STK3: variants seen among roughly 807,000 people sequenced by gnomAD.
STK3 encodes serine/threonine-protein kinase 3.
In STK3, 41 loss-of-function variants were observed where a neutral mutation model predicts 58.0. That is an observed-to-expected ratio of 0.71 (90% CI 0.55 to 0.92). The LOEUF is 0.92. Ranked by LOEUF, STK3 falls within the 40% of genes least tolerant of loss-of-function variation. The pLI, the probability that STK3 is intolerant of heterozygous loss-of-function variation, is 0.00. For synonymous variants in STK3, 170 were observed against 191.0 expected (o/e 0.89, Z 0.91); for missense variants, 479 against 602.7 (o/e 0.79, Z 2.15).
At chr8:98,692,853 G>A (rs1238722779) in intron 6 of STK3, among the ~76,000 whole-genome samples, 1 of 151,910 alleles carries the variant, frequency 6.6e-6, no homozygotes. Context: ...TTTGAAAGAA[G>A]AGAACATATT....
the STK3 span, among the ~76,000 whole-genome samples, chr8:98,354,489 GAACA>G: frequency 6.6e-6 from 1 of 152,190 alleles, no homozygotes; most frequent in African/African-American, 2.4e-5. Context: ...AAAACTAGGG[GAACA>G]AACAGTGTCG....
At chr8:98,659,657 T>C (rs1192547836) in intron 6 of STK3, among the ~76,000 whole-genome samples, 1 of 152,012 alleles carries the variant, frequency 6.6e-6, no homozygotes, top group Admixed American at 6.6e-5. Context: ...ATTAGCTACA[T>C]TGTTGATAAT....
intron 3 of STK3, among the ~76,000 whole-genome samples, chr8:98,396,068 C>T (rs1167146375): frequency 6.6e-6 from 1 of 152,188 alleles, no homozygotes. Flanking sequence ...ATTTGAAACA[C>T]TGTCAAATGC....
intron 4 of STK3, among the ~76,000 whole-genome samples, chr8:98,731,828 G>C (rs1209025213): frequency 6.6e-6 from 1 of 152,042 alleles, no homozygotes; most frequent in Admixed American, 6.6e-5. Flanking sequence ...CAGTCAAAAG[G>C]CATTGTCCCA....
At chr8:98,419,245 C>G (rs1420972744) in intron 3 of STK3, among the ~76,000 whole-genome samples, 3 of 152,204 alleles carry the variant, frequency 2.0e-5, no homozygotes, top group South Asian at 4.2e-4. Flanking sequence ...CATATAATCC[C>G]ACCTACTTGG....
chr8:98,655,179 C>T (rs1462388226), intron 6 of STK3, among the ~76,000 whole-genome samples: 4 of 151,864 alleles, frequency 2.6e-5, no homozygotes, highest in African/African-American at 4.8e-5. Flanking sequence ...GAAATAACGC[C>T]GCATACCTAC....
At chr8:98,568,052 T>C (rs1812634253) in intron 8 of STK3, among the ~76,000 whole-genome samples, 1 of 147,170 alleles carries the variant, frequency 6.8e-6, no homozygotes, top group African/African-American at 2.5e-5. Flanking sequence ...AGTGAGACTG[T>C]CTTAGATAGA....
At chr8:98,591,597 CTT>C (rs893120600) in intron 7 of STK3, among the ~76,000 whole-genome samples, 5 of 152,164 alleles carry the variant, frequency 3.3e-5, no homozygotes, top group Admixed American at 2.6e-4. Flanking sequence ...GCCAGTTCCT[CTT>C]TGTTGATCAA....
At chr8:98,864,197 CAAAAAAAAAAAAAAA>C (rs35196007) in intron 3 of STK3, among the ~76,000 whole-genome samples, 3 of 37,446 alleles carry the variant, frequency 8.0e-5, no homozygotes, top group Non-Finnish European at 1.4e-4. Flanking sequence ...GACTCCTTCT[CAAAAAAAAAAAAAAA>C]AAAAAAAAAA....
rs71572027 is a variant in STK3, at chr8:98,858,290, GTATATATATATATATATA to G, written c.110+25339_110+25356del. On this transcript the variant is annotated intron_variant, in intron 3 of 12. Coordinates refer to the STK3 transcript ENST00000523601. Reference sequence around the variant, plus strand: ...CCAGCTACAGTATATACATACATACGTATATATATATATATATATATATATATATATATAGAGAGAGAG... The same window carrying G: ...CCAGCTACAGTATATACATACATACGTATATATATATATATAGAGAGAGAG... 2.0e-4 allele frequency among the ~76,000 whole-genome samples: 7 copies of G among 34,382 alleles called. 1 individual carries two copies. Among genetic ancestry groups the G allele is most frequent in the Middle Eastern group, 0.036 (1 of 28 alleles). 22.6% of individuals were successfully genotyped at this position (34,382 alleles called of 152,430 possible).
chr8:98,854,857 G>A (rs1306062670), intron 3 of STK3, among the ~76,000 whole-genome samples: 4 of 152,104 alleles, frequency 2.6e-5, no homozygotes, highest in Non-Finnish European at 4.4e-5. Context: ...AAGAGTTTGA[G>A]ACTAGCCTGG....
At chr8:98,546,424 T>C (rs1223162050) in intron 9 of STK3, among the ~76,000 whole-genome samples, 2 of 152,156 alleles carry the variant, frequency 1.3e-5, no homozygotes, top group East Asian at 1.9e-4. Context: ...TATGACTGCA[T>C]GAAAAGTTGT....
intron 7 of STK3, among the ~76,000 whole-genome samples, chr8:98,588,592 C>T (rs1243609875): frequency 7.2e-5 from 11 of 152,042 alleles, no homozygotes; most frequent in African/African-American, 1.9e-4. Flanking sequence ...GTTGCTTTCT[C>T]GAGGAGTATC....
intron 9 of STK3, among the ~76,000 whole-genome samples, chr8:98,537,934 A>T (rs779040586): frequency 6.6e-6 from 1 of 152,168 alleles, no homozygotes; most frequent in Non-Finnish European, 1.5e-5. Flanking sequence ...CAGTCCACCC[A>T]CAATTATTCA....
At chr8:98,480,548 C>CA (rs1033455932) in intron 10 of STK3, among the ~76,000 whole-genome samples, 17 of 151,454 alleles carry the variant, frequency 1.1e-4, no homozygotes, top group East Asian at 9.7e-4. Flanking sequence ...AGTATGATTT[C>CA]AAAAAAAACA....
At chr8:98,523,584 AG>A (rs1825540141) in intron 10 of STK3, among the ~76,000 whole-genome samples, 1 of 152,100 alleles carries the variant, frequency 6.6e-6, no homozygotes, top group African/African-American at 2.4e-5. Flanking sequence ...CTTGTTGGTC[AG>A]GCTGGTCTCA....
rs945929140 is a variant in STK3 at position 98,863,613 on chromosome 8, T to C, written c.110+20034A>G. Among the ~76,000 whole-genome samples, 4 of 152,178 alleles carry C rather than the reference T, an allele frequency of 2.6e-5. No individual in the cohort carries two copies. In the East Asian group the frequency reaches 7.7e-4, roughly 29 times the overall value. ...TGATTAAAAAATAATACATATTTGC[T>C]ATAAAACAACCAGTATACAAAAAAA... On this transcript the variant is annotated intron_variant, in intron 3 of 12. Transcript: ENST00000523601.
intron 3 of STK3, among the ~76,000 whole-genome samples, chr8:98,874,667 C>T (rs925962916): frequency 1.3e-5 from 2 of 152,040 alleles, no homozygotes; most frequent in African/African-American, 2.4e-5. Context: ...CCCTCTGTCA[C>T]CCAGGCTGGA....
At chr8:98,521,150 T>C (rs1037009879) in intron 10 of STK3, among the ~76,000 whole-genome samples, 1 of 152,194 alleles carries the variant, frequency 6.6e-6, no homozygotes, top group Admixed American at 6.5e-5. Flanking sequence ...GTAATAAATG[T>C]TGAGAAAGGA....
Sources: allele counts gnomAD v4.1 joint callset (sites outside exome capture counted in the v4.1 genomes callset), GRCh38; gene constraint gnomAD v4.1.1; transcripts MANE v1.5; gene names NCBI Gene and HGNC (gene_info 2026-07-23, HGNC 2026-07-21).